EMCN: variants seen among roughly 807,000 people sequenced by gnomAD.
The protein encoded by EMCN is MUC-14.
Under a neutral mutation model 38.4 loss-of-function variants are expected in EMCN, and 37 were observed. The ratio of observed to expected loss-of-function variants is 0.96; its 90% confidence interval spans 0.74 to 1.27. EMCN has a LOEUF of 1.27. Ranked by LOEUF, EMCN falls within the 50% of genes most tolerant of loss-of-function variation. EMCN has a pLI of 0.00. For synonymous variants in EMCN, 95 were observed against 100.8 expected, an observed-to-expected ratio of 0.94 and a Z score of 0.35; for missense variants, 318 against 302.8, an observed-to-expected ratio of 1.05 and a Z score of -0.37.
intron 5 of EMCN, among the ~76,000 whole-genome samples, chr4:100,428,596 T>G (rs1379037647): frequency 1.3e-5 from 2 of 152,160 alleles, no homozygotes; most frequent in African/African-American, 4.8e-5. Flanking sequence ...TATAACAGTG[T>G]CTGGAAGTAG....
At chr4:100,512,223 T>C (rs887072642) in intron 1 of EMCN, among the ~76,000 whole-genome samples, 1 of 152,190 alleles carries the variant, frequency 6.6e-6, no homozygotes, top group Non-Finnish European at 1.5e-5. Flanking sequence ...TATGATTATC[T>C]CTACATATAT....
At chr4:100,468,718 T>C (rs148669121) in intron 3 of EMCN, among the ~76,000 whole-genome samples, 2 of 152,068 alleles carry the variant, frequency 1.3e-5, no homozygotes, top group Non-Finnish European at 2.9e-5. Flanking sequence ...CTGAAAACTA[T>C]AAAACATTAA....
At chr4:100,504,284 T>C (rs975299497) in intron 1 of EMCN, among the ~76,000 whole-genome samples, 7 of 152,210 alleles carry the variant, frequency 4.6e-5, no homozygotes, top group South Asian at 2.1e-4. Flanking sequence ...GAATTAAAGA[T>C]AGCCGATAGC....
At chr4:100,466,894 A>T (rs1010052747) in intron 3 of EMCN, among the ~76,000 whole-genome samples, 3 of 152,190 alleles carry the variant, frequency 2.0e-5, no homozygotes, top group African/African-American at 7.2e-5. Context: ...AAAATTCTTC[A>T]GCTGAGCTAA....
intron 8 of EMCN, among the ~76,000 whole-genome samples, chr4:100,420,630 G>T: frequency 6.6e-6 from 1 of 152,048 alleles, no homozygotes; most frequent in Non-Finnish European, 1.5e-5. Context: ...AAGACTAAAA[G>T]AAATCAGAAT....
chr4:100,463,764 T>C (rs1222558469), intron 4 of EMCN, among the ~76,000 whole-genome samples: 2 of 152,160 alleles, frequency 1.3e-5, no homozygotes, highest in Non-Finnish European at 2.9e-5. Flanking sequence ...TCATGTTTTG[T>C]GTATGGCTTC....
intron 1 of EMCN, among the ~76,000 whole-genome samples, chr4:100,516,825 G>A (rs956874972): frequency 6.6e-6 from 1 of 152,024 alleles, no homozygotes; most frequent in Non-Finnish European, 1.5e-5. Flanking sequence ...AATTGAGAAT[G>A]AGCAAAATAA....
chr4:100,418,876 A>G (rs926853996), intron 8 of EMCN, among the ~76,000 whole-genome samples: 1 of 152,062 alleles, frequency 6.6e-6, no homozygotes, highest in South Asian at 2.1e-4. Flanking sequence ...TCTTTGATAT[A>G]TTGATTTCCT....
intron 4 of EMCN, among the ~76,000 whole-genome samples, chr4:100,456,108 A>C (rs1228906808): frequency 6.6e-6 from 1 of 152,076 alleles, no homozygotes; most frequent in Non-Finnish European, 1.5e-5. Flanking sequence ...CCCTTCTTCA[A>C]ATATGTTTTC....
chr4:100,476,433 G>A (rs1419065913), intron 2 of EMCN, among the ~76,000 whole-genome samples: 1 of 152,072 alleles, frequency 6.6e-6, no homozygotes, highest in East Asian at 1.9e-4. Flanking sequence ...ACAGGTGTGA[G>A]CCGCAGCACC....
intron 1 of EMCN, among the ~76,000 whole-genome samples, chr4:100,513,689 G>A (rs562863444): frequency 1.3e-5 from 2 of 152,082 alleles, no homozygotes; most frequent in African/African-American, 2.4e-5. Context: ...CAAAATAATC[G>A]ACTTTTTTCT....
At chr4:100,475,472 C>T (rs72927863) in intron 2 of EMCN, among the ~76,000 whole-genome samples, 3,401 of 150,862 alleles carry the variant, frequency 0.023, 124 homozygotes, top group African/African-American at 0.078. Flanking sequence ...AGAAAAGTGA[C>T]ATGGTCAATA....
intron 10 of EMCN, 105 bp from the exon 11 acceptor site, chr4:100,410,460 C>CT: frequency 6.1e-6 from 7 of 1,141,142 alleles, no homozygotes; most frequent in Non-Finnish European, 9.0e-6. Context: ...TTCAACTTTC[C>CT]TGCAAGAATG....
chr4:100,404,020 C>T (rs1355925299), intron 11 of EMCN, among the ~76,000 whole-genome samples: 2 of 151,852 alleles, frequency 1.3e-5, no homozygotes, highest in Admixed American at 1.3e-4. Context: ...TTTTGTAAGT[C>T]GTCTGTTTAC....
intron 1 of EMCN, among the ~76,000 whole-genome samples, chr4:100,487,842 G>A (rs1426695965): frequency 6.6e-6 from 1 of 152,282 alleles, no homozygotes; most frequent in East Asian, 1.9e-4. Flanking sequence ...AAATTACTGA[G>A]TCTTGGGTAC....
chr4:100,465,784 C>A (rs1052676446), intron 3 of EMCN, among the ~76,000 whole-genome samples: 19 of 152,038 alleles, frequency 1.2e-4, no homozygotes, highest in African/African-American at 4.1e-4. Flanking sequence ...TCATGGTAAT[C>A]TTACGAATTA....
chr4:100,488,568 C>G (rs1728998099), intron 1 of EMCN, among the ~76,000 whole-genome samples: 2 of 152,226 alleles, frequency 1.3e-5, no homozygotes, highest in African/African-American at 4.8e-5. Context: ...ATAGATAAAT[C>G]AATTCCTACC....
chr4:100,465,279 C>T, intron 4 of EMCN, 144 bp downstream of exon 4: 1 of 482,362 alleles, frequency 2.1e-6, no homozygotes, highest in Non-Finnish European at 3.7e-6. Flanking sequence ...GATGAGGCTG[C>T]CAAATGATTG....
At chr4:100,514,981 T>C (rs1402386104) in intron 1 of EMCN, among the ~76,000 whole-genome samples, 1 of 152,140 alleles carries the variant, frequency 6.6e-6, no homozygotes, top group Non-Finnish European at 1.5e-5. Flanking sequence ...AAACTTACGA[T>C]ATTTAGCATG....
Sources: allele counts gnomAD v4.1 joint callset (sites outside exome capture counted in the v4.1 genomes callset), GRCh38; gene constraint gnomAD v4.1.1; transcripts MANE v1.5; gene names NCBI Gene and HGNC (gene_info 2026-07-23, HGNC 2026-07-21).